The following SLC8A3 variants were observed in gnomAD, a reference collection of about 807,000 sequenced individuals.
SLC8A3 encodes solute carrier family 8 member A3.
Under a neutral mutation model 65.4 loss-of-function variants are expected in SLC8A3, and 37 were observed. That is an observed-to-expected ratio of 0.57 (90% CI 0.44 to 0.74). SLC8A3 has a LOEUF of 0.74. Ranked by LOEUF, SLC8A3 falls within the 30% of genes least tolerant of loss-of-function variation. SLC8A3 has a pLI of 0.00. For missense variants in SLC8A3, 1,112 were observed against 1,172.1 expected (o/e 0.95, Z 0.75); for synonymous variants, 461 against 444.5 (o/e 1.04, Z -0.47).
chr14:70,166,143 A>G (rs1406213684), intron 2 of SLC8A3, among the ~76,000 whole-genome samples: 2 of 152,236 alleles, frequency 1.3e-5, no homozygotes, highest in African/African-American at 4.8e-5. Context: ...GACTGGCAAT[A>G]TAGTACCAGG....
chr14:70,174,676 T>G (rs902230717), intron 1 of SLC8A3, among the ~76,000 whole-genome samples: 23 of 139,140 alleles, frequency 1.7e-4, no homozygotes, highest in South Asian at 9.5e-4. Flanking sequence ...TTTTTTTTTT[T>G]TTTTTTTTTT....
chr14:70,080,802 A>G (rs1890988219), intron 2 of SLC8A3, among the ~76,000 whole-genome samples: 1 of 152,208 alleles, frequency 6.6e-6, no homozygotes, highest in African/African-American at 2.4e-5. Context: ...CTCCAAGCTG[A>G]TGTAAAAAAT....
intron 1 of SLC8A3, among the ~76,000 whole-genome samples, chr14:70,173,502 C>T (rs748763025): frequency 1.3e-5 from 2 of 152,132 alleles, no homozygotes; most frequent in African/African-American, 2.4e-5. Context: ...TTAAAGTCAC[C>T]GTTCCTCCGC....
intron 2 of SLC8A3, among the ~76,000 whole-genome samples, chr14:70,156,079 C>A (rs1374100619): frequency 1.3e-5 from 2 of 152,134 alleles, no homozygotes; most frequent in Admixed American, 1.3e-4. Flanking sequence ...CAGGGAGGGG[C>A]AGACCATGAA....
chr14:70,148,657 C>G (rs1303069416), intron 2 of SLC8A3, among the ~76,000 whole-genome samples: 2 of 152,064 alleles, frequency 1.3e-5, no homozygotes, highest in Non-Finnish European at 2.9e-5. Context: ...TGCTGGGTCC[C>G]TCATGTTGAA....
chr14:70,084,977 G>C (rs973890245), intron 2 of SLC8A3, among the ~76,000 whole-genome samples: 2 of 152,194 alleles, frequency 1.3e-5, no homozygotes, highest in African/African-American at 2.4e-5. Flanking sequence ...ATGGAAAAAG[G>C]CTTTACTGGA....
intron 2 of SLC8A3, among the ~76,000 whole-genome samples, chr14:70,103,049 C>A (rs1892639563): frequency 6.6e-6 from 1 of 151,958 alleles, no homozygotes; most frequent in Admixed American, 6.6e-5. Flanking sequence ...AGAAAAATAT[C>A]TTGAAACAGC....
chr14:70,119,004 C>T (rs1407460331), intron 2 of SLC8A3, among the ~76,000 whole-genome samples: 2 of 152,176 alleles, frequency 1.3e-5, no homozygotes, highest in South Asian at 2.1e-4. Flanking sequence ...GGAATTCATA[C>T]ACCTCGAGCC....
intron 2 of SLC8A3, among the ~76,000 whole-genome samples, chr14:70,117,644 TG>T (rs1893757518): frequency 6.6e-6 from 1 of 152,222 alleles, no homozygotes; most frequent in Non-Finnish European, 1.5e-5. Context: ...GGGGCATTGC[TG>T]TCTCTAGAGA....
chr14:70,061,289 G>C (rs1364481643), intron 2 of SLC8A3, among the ~76,000 whole-genome samples: 2 of 152,098 alleles, frequency 1.3e-5, no homozygotes, highest in East Asian at 3.8e-4. Flanking sequence ...CAGTTAGTAG[G>C]AAGTGAGTCA....
intron 2 of SLC8A3, among the ~76,000 whole-genome samples, chr14:70,109,857 A>G (rs1170650825): frequency 6.6e-6 from 1 of 152,194 alleles, no homozygotes; most frequent in Non-Finnish European, 1.5e-5. Context: ...AATATCATGG[A>G]CAAATAAATA....
intron 2 of SLC8A3, among the ~76,000 whole-genome samples, chr14:70,160,927 A>G (rs1320878151): frequency 6.6e-6 from 1 of 151,542 alleles, no homozygotes; most frequent in Non-Finnish European, 1.5e-5. Context: ...TCGGGACACA[A>G]TAGCTAAAGC....
At chr14:70,151,771 A>G (rs1390595306) in intron 2 of SLC8A3, among the ~76,000 whole-genome samples, 1 of 152,172 alleles carries the variant, frequency 6.6e-6, no homozygotes, top group Non-Finnish European at 1.5e-5. Flanking sequence ...GTCCGAGAGG[A>G]GAATCTGTTC....
At chr14:70,118,169 C>T (rs1027509852) in intron 2 of SLC8A3, among the ~76,000 whole-genome samples, 1 of 152,200 alleles carries the variant, frequency 6.6e-6, no homozygotes, top group African/African-American at 2.4e-5. Context: ...TCCAAACCAA[C>T]AAGACATCTG....
intron 2 of SLC8A3, among the ~76,000 whole-genome samples, chr14:70,080,438 G>A (rs1207857825): frequency 6.6e-6 from 1 of 152,112 alleles, no homozygotes; most frequent in Admixed American, 6.5e-5. Context: ...CTTAGTAAAG[G>A]CTCGCAGGAA....
Position 70,168,249 on chromosome 14 carries a change from G to A in SLC8A3, c.174C>T (p.Val58=). The part of the protein sequence containing the change: ...CSGSSDCKEG[V]ILPIWYPENP... ...TCTCCGGGTACCAGATTGGCAGGAT[G>A]ACACCCTCCTTGCAGTCCGATGACC... The change falls in exon 2 of 7, where the codon GTC becomes GTT. Residue 58 remains valine, a synonymous_variant. Coordinates refer to ENST00000356921, the MANE Select transcript of SLC8A3 (RefSeq NM_182932.3). The A allele has an allele frequency of 2.5e-6, 4 of 1,614,180 alleles. No individual in the cohort carries two copies. Among genetic ancestry groups the A allele is most frequent in the Non-Finnish European group, 3.4e-6 (4 of 1,180,042 alleles).
intron 2 of SLC8A3, among the ~76,000 whole-genome samples, chr14:70,143,177 T>C (rs983154776): frequency 1.3e-5 from 2 of 152,222 alleles, no homozygotes; most frequent in African/African-American, 4.8e-5. Flanking sequence ...CATATGGCTG[T>C]TGCCTGTAGA....
At chr14:70,055,118 G>A (rs1281753256) in intron 3 of SLC8A3, among the ~76,000 whole-genome samples, 1 of 152,054 alleles carries the variant, frequency 6.6e-6, no homozygotes, top group Non-Finnish European at 1.5e-5. Context: ...ATAGCACCTA[G>A]ATTCTGCATG....
intron 2 of SLC8A3, among the ~76,000 whole-genome samples, chr14:70,103,849 A>C (rs59764487): frequency 0.063 from 9,644 of 152,180 alleles, 315 homozygotes; most frequent in Non-Finnish European, 0.072. Flanking sequence ...AAGGAGTAAA[A>C]ATAATCAAGA....
Sources: gnomAD v4.1 joint callset for allele counts (sites outside exome capture counted in the v4.1 genomes callset) on GRCh38, gnomAD v4.1.1 for gene constraint, MANE v1.5 for transcripts, NCBI Gene and HGNC (gene_info 2026-07-23, HGNC 2026-07-21) for gene names.